EPB41L2: variants seen among roughly 807,000 people sequenced by gnomAD.
EPB41L2 encodes the protein band 4.1-like protein 2.
EPB41L2 carries 43 observed loss-of-function variants against 113.0 expected under a neutral mutation model. The ratio of observed to expected loss-of-function variants is 0.38; its 90% CI spans 0.30 to 0.49. The LOEUF is 0.49. EPB41L2 is among the 20% of genes least tolerant of loss of function. The probability of loss-of-function intolerance (pLI) is 0.95; values close to 1 mark genes in which losing one functional copy is unlikely to be tolerated. For missense variants in EPB41L2, 1,147 were observed against 1,223.4 expected (o/e 0.94, Z 0.93); for synonymous variants, 442 against 436.7 (o/e 1.01, Z -0.15).
chr6:130,923,336 C>T (rs1481253687), intron 4 of EPB41L2, among the ~76,000 whole-genome samples: 1 of 152,178 alleles, frequency 6.6e-6, no homozygotes, highest in Non-Finnish European at 1.5e-5. Context: ...ATCCTTGCTT[C>T]AGCCTATCAA....
At chr6:131,019,685 A>C (rs1226765707) in intron 1 of EPB41L2, among the ~76,000 whole-genome samples, 1 of 152,152 alleles carries the variant, frequency 6.6e-6, no homozygotes, top group Non-Finnish European at 1.5e-5. Context: ...CAATTCTTTA[A>C]AGAAGTGTGA....
At position 131,031,701 on chromosome 6, in the gene EPB41L2, T is replaced by C. The variant is rs181327726; in HGVS notation, c.-15+31454A>G. On this transcript the variant is annotated intron_variant, in intron 1 of 19. Coordinates refer to ENST00000337057, the MANE Select transcript of EPB41L2 (RefSeq NM_001431.4). ...GAAACAAATAATCCAACCTGTGAGA[T>C]AGTAATTGTCACTATAAAATGAATC... 1.8e-3 allele frequency among the ~76,000 whole-genome samples: 271 copies of C among 152,320 alleles called. 1 individual carries two copies. The highest frequency in any genetic ancestry group is 3.3e-3 in the Non-Finnish European group (224 of 68,024).
At chr6:131,005,891 G>A (rs1397777215) in intron 1 of EPB41L2, among the ~76,000 whole-genome samples, 3 of 152,056 alleles carry the variant, frequency 2.0e-5, no homozygotes, top group Admixed American at 1.3e-4. Flanking sequence ...GCTAAGCTTG[G>A]GGAGGAGTTC....
At chr6:130,872,365 A>G in intron 14 of EPB41L2, 1 of 1,281,428 alleles carries the variant, frequency 7.8e-7, no homozygotes, top group Non-Finnish European at 1.0e-6. Context: ...ACAAAGTAAA[A>G]TGCACCTCAA....
intron 3 of EPB41L2, among the ~76,000 whole-genome samples, chr6:130,950,571 T>TACC (rs1814583926): frequency 6.6e-6 from 1 of 152,106 alleles, no homozygotes. Context: ...CCAAAAAGGC[T>TACC]ACCATCCAAG....
chr6:130,906,591 C>A (rs1395961983), intron 5 of EPB41L2, among the ~76,000 whole-genome samples: 3 of 152,142 alleles, frequency 2.0e-5, no homozygotes, highest in Admixed American at 2.0e-4. Context: ...TAGTCATACG[C>A]AAGCCTTAGA....
intron 16 of EPB41L2, 112 bp downstream of exon 16, chr6:130,867,347 C>T (rs1784101538): frequency 2.9e-6 from 4 of 1,397,684 alleles, no homozygotes; most frequent in South Asian, 2.8e-5. Context: ...AGTGCAGATA[C>T]AAAAAGCTAC....
intron 19 of EPB41L2, among the ~76,000 whole-genome samples, chr6:130,844,029 C>T (rs1445287432): frequency 6.6e-6 from 1 of 152,126 alleles, no homozygotes; most frequent in East Asian, 1.9e-4. Context: ...TGCTCTACTC[C>T]AGAAATTGAC....
chr6:130,944,168 CACAT>C (rs749709692), intron 3 of EPB41L2, among the ~76,000 whole-genome samples: 4,553 of 136,188 alleles, frequency 0.033, 174 homozygotes, highest in African/African-American at 0.089. Flanking sequence ...TACATACACA[CACAT>C]ACACACACAC....
intron 18 of EPB41L2, among the ~76,000 whole-genome samples, chr6:130,862,531 T>A (rs1183499587): frequency 6.6e-6 from 1 of 152,212 alleles, no homozygotes; most frequent in African/African-American, 2.4e-5. Context: ...TGTTTCCACA[T>A]AAGTCACTCA....
chr6:130,849,625 G>A (rs1374582687), intron 19 of EPB41L2, among the ~76,000 whole-genome samples: 1 of 151,956 alleles, frequency 6.6e-6, no homozygotes, highest in Non-Finnish European at 1.5e-5. Flanking sequence ...ACCTGAATAG[G>A]AAAATGGACA....
At chr6:131,004,312 G>A (rs1784985247) in intron 1 of EPB41L2, among the ~76,000 whole-genome samples, 1 of 152,154 alleles carries the variant, frequency 6.6e-6, no homozygotes. Flanking sequence ...GGGGGTGTAA[G>A]CTCCAATCCT....
chr6:130,881,625 T>C (rs553493079), intron 12 of EPB41L2: 2 of 152,194 alleles, frequency 1.3e-5, no homozygotes, highest in South Asian at 2.1e-4. Flanking sequence ...CAAAAATATA[T>C]TGTACATGTT....
intron 1 of EPB41L2, among the ~76,000 whole-genome samples, chr6:131,030,409 C>A (rs1257168723): frequency 6.6e-6 from 1 of 152,192 alleles, no homozygotes; most frequent in Non-Finnish European, 1.5e-5. Context: ...CAGGACCTGG[C>A]TAAAAGACTC....
rs11452626 is a variant in EPB41L2 at position 130,875,984 on chromosome 6, C to CAA, written c.2043+2118_2043+2119dup. Reference sequence around the variant, plus strand: ...CGGGCGAATGTGCAAGAGTGCATCTCAAAAAAAAAAAAAAGAAGAAAGAAA... The same window carrying CAA: ...CGGGCGAATGTGCAAGAGTGCATCTCAAAAAAAAAAAAAAAAGAAGAAAGAAA... On this transcript the variant is annotated intron_variant, in intron 14 of 19. Coordinates refer to ENST00000337057, the MANE Select transcript of EPB41L2 (RefSeq NM_001431.4). Among the ~76,000 whole-genome samples the CAA allele has an allele frequency of 9.2e-3, 1,179 of 128,408 alleles. 8 individuals carry two copies. The highest frequency in any genetic ancestry group is 0.015 in the African/African-American group (491 of 31,708). 84.2% of individuals were successfully genotyped at this position (128,408 alleles called of 152,430 possible).
At chr6:130,868,826 A>G (rs1036834654) in intron 15 of EPB41L2, 27 of 152,282 alleles carry the variant, frequency 1.8e-4, no homozygotes, top group Admixed American at 1.7e-3. Flanking sequence ...TGTCCAATGT[A>G]TAGATAATCC....
At chr6:130,932,722 C>T (rs887278307) in intron 3 of EPB41L2, among the ~76,000 whole-genome samples, 4 of 152,196 alleles carry the variant, frequency 2.6e-5, no homozygotes, top group African/African-American at 9.7e-5. Context: ...CTTTCAGATA[C>T]TGAGTTCTTT....
At position 131,010,553 on chromosome 6, in the gene EPB41L2, TG is replaced by T. The variant is rs1786697219; in HGVS notation, c.-15+52601del. Among the ~76,000 whole-genome samples, 4 of 152,010 alleles carry T rather than the reference TG, an allele frequency of 2.6e-5. No individual in the cohort carries two copies. In the South Asian group the frequency reaches 6.2e-4, roughly 24 times the overall value. ...TCAGCCTCCCAAGTAGCTGGGATTA[TG>T]GGTACACACCACCATGCCCAGCTAA... On this transcript the variant is annotated intron_variant, in intron 1 of 19. Coordinates refer to ENST00000337057, the MANE Select transcript of EPB41L2 (RefSeq NM_001431.4).
At chr6:130,982,169 G>A (rs192540822) in intron 1 of EPB41L2, among the ~76,000 whole-genome samples, 1 of 150,888 alleles carries the variant, frequency 6.6e-6, no homozygotes, top group Admixed American at 6.6e-5. Flanking sequence ...ACACAATTTA[G>A]GAAACCAAAT....
Sources: gnomAD v4.1 joint callset for allele counts (sites outside exome capture counted in the v4.1 genomes callset) on GRCh38, gnomAD v4.1.1 for gene constraint, MANE v1.5 for transcripts, NCBI Gene and HGNC (gene_info 2026-07-23, HGNC 2026-07-21) for gene names.